Variants in CD81 observed in about 807,000 individuals in gnomAD.
CD81 encodes the protein CD81 antigen.
CD81 carries 10 observed loss-of-function variants against 30.1 expected under a neutral mutation model. That is an observed-to-expected ratio of 0.33 (90% CI 0.21 to 0.56). The LOEUF (loss-of-function observed/expected upper bound fraction) is 0.56, where lower values mean the gene tolerates loss of function less well. CD81 is among the 20% of genes least tolerant of loss of function. The pLI, the probability that CD81 is intolerant of heterozygous loss-of-function variation, is 0.89. For missense variants in CD81, 263 were observed against 308.7 expected (o/e 0.85, Z 1.11); for synonymous variants, 147 against 126.4 (o/e 1.16, Z -1.10).
chr11:2,391,675 A>G (rs1455240254), intron 2 of CD81: 2 of 151,830 alleles, frequency 1.3e-5, no homozygotes, highest in Admixed American at 6.6e-5. Flanking sequence ...CCCTGCCCAT[A>G]GGTTCCTGGC....
At chr11:2,394,784 C>A in intron 3 of CD81, 188 bp from the exon 4 acceptor site, 1 of 662,322 alleles carries the variant, frequency 1.5e-6, no homozygotes, top group Non-Finnish European at 2.8e-6. Context: ...TTGACGGCTC[C>A]TCCCTGCGCT....
At chr11:2,380,397 A>G (rs1036019490) in intron 1 of CD81, among the ~76,000 whole-genome samples, 1 of 152,016 alleles carries the variant, frequency 6.6e-6, no homozygotes, top group African/African-American at 2.4e-5. Context: ...GCCCACACAC[A>G]CACGCACAGG....
chr11:2,387,420 C>G (rs1382010165), intron 1 of CD81, among the ~76,000 whole-genome samples: 1 of 152,240 alleles, frequency 6.6e-6, no homozygotes, highest in East Asian at 1.9e-4. Context: ...TTCAAAGGCC[C>G]TGGAGGAAGC....
At position 2,378,060 on chromosome 11, in the gene CD81, G is replaced by T. The variant is rs2133437073; in HGVS notation, c.66+445G>T. The T allele has an allele frequency of 6.6e-6, 1 of 152,396 alleles. No individual in the cohort carries two copies. The highest frequency in any genetic ancestry group is 2.1e-4 in the South Asian group (1 of 4,874). 9.4% of individuals were successfully genotyped at this position (152,396 alleles called of 1,614,324 possible). ...GACTCCTGGCGCCCCGCCCCCATGAGCTCATCAAGAGCCGCCGCCCCTGGA... is the reference window on the plus strand; with the variant it reads ...GACTCCTGGCGCCCCGCCCCCATGATCTCATCAAGAGCCGCCGCCCCTGGA... On this transcript the variant is annotated intron_variant, in intron 1 of 7. Coordinates refer to ENST00000263645, the MANE Select transcript of CD81 (RefSeq NM_004356.4). The surrounding 1 kb of genome is among the most constrained non-coding windows in gnomAD (Gnocchi z 4.9).
At chr11:2,381,967 T>G (rs1849712048) in intron 1 of CD81, among the ~76,000 whole-genome samples, 1 of 152,200 alleles carries the variant, frequency 6.6e-6, no homozygotes, top group African/African-American at 2.4e-5. Flanking sequence ...CTACACACCA[T>G]TCTTTGTGTT....
intron 2 of CD81, chr11:2,391,013 C>T (rs1469843318): frequency 2.7e-5 from 7 of 260,762 alleles, no homozygotes; most frequent in Non-Finnish European, 5.3e-5. Context: ...GGCAGCTGCA[C>T]CTTGCTGCCT....
In CD81 at chr11:2,397,251, C is replaced by G; in HGVS notation, c.*385C>G. On this transcript the variant is annotated 3_prime_UTR_variant, in exon 8 of 8. Coordinates refer to ENST00000263645, the MANE Select transcript of CD81 (RefSeq NM_004356.4). Reference sequence around the variant, plus strand: ...CCCGTCCTGTGGGCTGCACAGCTCACCTTGTTCCCTCCTGCCCCGGTTCGA... The same window carrying G: ...CCCGTCCTGTGGGCTGCACAGCTCAGCTTGTTCCCTCCTGCCCCGGTTCGA... The G allele has an allele frequency of 3.0e-6, 1 of 334,434 alleles. No individual in the cohort carries two copies. Among genetic ancestry groups the G allele is most frequent in the Non-Finnish European group, 5.7e-6 (1 of 176,130 alleles). The allele number at this position is 334,434 out of a possible 1,614,324, so 20.7% of individuals were successfully genotyped here.
chr11:2,393,168 G>C (rs1229426321), intron 2 of CD81: 3 of 152,730 alleles, frequency 2.0e-5, no homozygotes, highest in Admixed American at 6.5e-5. Context: ...GAGGGGGCCT[G>C]GGCTGCCTTC....
chr11:2,377,683 G>T lies in CD81; in HGVS notation c.66+68G>T. ...ACACTCCACGTTGGGCAGGTCCCGC[G>T]GCAGCGTGCTAGGCCCCGCGGGCGC... On this transcript the variant is annotated intron_variant, in intron 1 of 7. Coordinates refer to ENST00000263645, the MANE Select transcript of CD81 (RefSeq NM_004356.4). This position sits in a 1 kb window ranked among gnomAD's most constrained non-coding sequence, Gnocchi z 7.7. 8.9e-7 allele frequency: 1 copy of T among 1,129,266 alleles called. No individual in the cohort carries two copies. The highest frequency in any genetic ancestry group is 1.4e-5 in the South Asian group (1 of 69,160). The allele number at this position is 1,129,266 out of a possible 1,614,324, so 70.0% of individuals were successfully genotyped here. A position where few individuals can be genotyped will look rare whatever the true frequency, so the allele number is the denominator to read the frequency against.
chr11:2,385,854 G>A (rs781585856), intron 1 of CD81: 1 of 646,420 alleles, frequency 1.5e-6, no homozygotes, highest in South Asian at 1.6e-5. Context: ...TACAAGAAAC[G>A]TGCTAGAACA....
chr11:2,388,737 C>T (rs1449126080), intron 1 of CD81, among the ~76,000 whole-genome samples: 7 of 152,194 alleles, frequency 4.6e-5, no homozygotes, highest in Non-Finnish European at 1.5e-5. Flanking sequence ...TCGTGGCCCC[C>T]CCCGGGTGCC....
chr11:2,396,203 G>T, intron 6 of CD81: 1 of 604,538 alleles, frequency 1.7e-6, no homozygotes, highest in African/African-American at 1.8e-5. Flanking sequence ...GGCTCTGGGG[G>T]GTGGGAACTC....
At position 2,377,911 on chromosome 11, in the gene CD81, C is replaced by T; in HGVS notation, c.66+296C>T. The T allele has an allele frequency of 5.5e-6, 1 of 180,704 alleles. No homozygotes were observed. Among genetic ancestry groups the T allele is most frequent in the Non-Finnish European group, 1.2e-5 (1 of 86,184 alleles). 11.2% of individuals were successfully genotyped at this position (180,704 alleles called of 1,614,324 possible). A position where few individuals can be genotyped will look rare whatever the true frequency, so the allele number is the denominator to read the frequency against. ...GTTCCCGCTGTGGTGGTGATGGGTG[C>T]GGTGGTCGCGGGTCGGGACCCGAGT... On this transcript the variant is annotated intron_variant, in intron 1 of 7. Coordinates refer to ENST00000263645, the MANE Select transcript of CD81 (RefSeq NM_004356.4). This position sits in a 1 kb window ranked among gnomAD's most constrained non-coding sequence, Gnocchi z 7.7.
At chr11:2,395,992 G>T (rs34403950) in intron 6 of CD81, 22 bp downstream of exon 6, 1 of 1,511,202 alleles carries the variant, frequency 6.6e-7, no homozygotes, top group South Asian at 1.1e-5. Context: ...CGGTGGGGCC[G>T]CGCCTGACCC....
intron 3 of CD81, 67 bp from the exon 4 acceptor site, chr11:2,394,905 G>A: frequency 7.0e-7 from 1 of 1,420,330 alleles, no homozygotes; most frequent in Non-Finnish European, 9.9e-7. Context: ...GGGCACCTGG[G>A]TGTGTGTCCT....
chr11:2,396,589 G>A (rs1399601400), intron 6 of CD81, 39 bp from the exon 7 acceptor site: 1 of 1,543,772 alleles, frequency 6.5e-7, no homozygotes, highest in Non-Finnish European at 8.9e-7. Context: ...GGGAGCCGAG[G>A]CCCGGTCCCT....
At chr11:2,389,994 G>C in intron 1 of CD81, 1 of 347,730 alleles carries the variant, frequency 2.9e-6, no homozygotes. Flanking sequence ...GGCCAGATAC[G>C]GAAGGTGAAA....
chr11:2,396,875 A>G lies in CD81; in HGVS notation c.*9A>G. The G allele has an allele frequency of 6.2e-7, 1 of 1,612,300 alleles. No homozygotes were observed. On this transcript the variant is annotated 3_prime_UTR_variant, in exon 8 of 8. Transcript: ENST00000263645. The stretch of plus-strand genomic sequence containing the variant: ...ACAGCTCCGTGTACTGAGGCCCCGC[A>G]GCTCTGGCCACAGGGACCTCTGCAG...
intron 4 of CD81, 46 bp from the exon 5 acceptor site, chr11:2,395,370 G>A (rs1286411241): frequency 6.9e-7 from 1 of 1,455,692 alleles, no homozygotes; most frequent in South Asian, 1.1e-5. Context: ...GTGGGGGCAA[G>A]GAGGGGGAGG....
Sources: gnomAD v4.1 joint callset for allele counts (sites outside exome capture counted in the v4.1 genomes callset) on GRCh38, gnomAD v4.1.1 for gene constraint, Gnocchi (gnomAD v3.1) non-coding constraint, MANE v1.5 for transcripts, NCBI Gene and HGNC (gene_info 2026-07-23, HGNC 2026-07-21) for gene names.